The following RPS14 variants were observed in gnomAD, a reference collection of about 807,000 sequenced individuals.
The protein encoded by RPS14 is ribosomal protein S14.
Under a neutral mutation model 15.4 loss-of-function variants are expected in RPS14, and 1 was observed. The observed-to-expected ratio is 0.07, with a 90% CI of 0.02 to 0.31. The LOEUF (loss-of-function observed/expected upper bound fraction) is 0.31. Among genes scored for constraint, RPS14 ranks in the 10% least tolerant of loss-of-function variants. The pLI is 1.00. For missense variants in RPS14, 69 were observed against 205.5 expected (o/e 0.34, Z 4.06); for synonymous variants, 68 against 74.4 (o/e 0.91, Z 0.44).
In RPS14 at chr5:150,444,628, G is replaced by A. The variant is rs138894671; in HGVS notation, c.389-275C>T. The A allele has an allele frequency of 1.1e-4, 70 of 636,408 alleles. No individual in the cohort carries two copies. The African/African-American group carries it at 1.1e-3, about 10-fold the overall frequency. 39.4% of individuals were successfully genotyped at this position (636,408 alleles called of 1,614,324 possible). On this transcript the variant is annotated intron_variant, in intron 4 of 4. Transcript: ENST00000407193. ...GGACAAATCCAGGTTCTGACATCTAGCCCACCGTCTTCTCTAGAGGAAAAA... is the reference window on the plus strand; with the variant it reads ...GGACAAATCCAGGTTCTGACATCTAACCCACCGTCTTCTCTAGAGGAAAAA...
rs544579101 is a variant in RPS14 at position 150,446,685 on chromosome 5, T to G, written c.311+117A>C. On this transcript the variant is annotated intron_variant, in intron 3 of 4. Transcript: ENST00000407193. The surrounding 1 kb of genome is among the most constrained non-coding windows in gnomAD (Gnocchi z 4.2). The stretch of plus-strand genomic sequence containing the variant: ...AGGAGCCAATTATTAAGTATGTATA[T>G]GCCTAAAATATCTTGTTCAAGGTCA... 1.1e-4 allele frequency: 128 copies of G among 1,116,556 alleles called. No individual in the cohort carries two copies. In the East Asian group the frequency reaches 3.0e-3, roughly 26 times the overall value. The allele number at this position is 1,116,556 out of a possible 1,614,324, so 69.2% of individuals were successfully genotyped here.
chr5:150,447,617 G>A lies in RPS14; in HGVS notation c.117C>T (p.Asp39=), dbSNP rs1581277976. The A allele has an allele frequency of 3.1e-6, 5 of 1,613,722 alleles. No homozygotes were observed. Among genetic ancestry groups the A allele is most frequent in the African/African-American group, 2.7e-5 (2 of 75,030 alleles). ...AAAGATCAGTGACATGGACAAAAGTGTCATTGAAGGATGCAAAGATATGGC... is the reference window on the plus strand; with the variant it reads ...AAAGATCAGTGACATGGACAAAAGTATCATTGAAGGATGCAAAGATATGGC... ...GVCHIFASFN[D]TFVHVTDLSG... Residue 39 remains aspartate (D), a synonymous_variant, in exon 2 of 5, where the codon GAC becomes GAT. Coordinates refer to ENST00000407193, the MANE Select transcript of RPS14 (RefSeq NM_005617.4).
chr5:150,447,028 G>T, intron 2 of RPS14, 65 bp from the exon 3 acceptor site: 1 of 1,570,044 alleles, frequency 6.4e-7, no homozygotes, highest in South Asian at 1.2e-5. Context: ...ATATCCTAAT[G>T]AGTGAAGAGC....
chr5:150,446,651 G>A lies in RPS14; in HGVS notation c.311+151C>T. 5 of 737,218 alleles carry A rather than the reference G, an allele frequency of 6.8e-6. No homozygotes were observed. Among genetic ancestry groups the A allele is most frequent in the Non-Finnish European group, 1.1e-5 (5 of 446,618 alleles). The allele number at this position is 737,218 out of a possible 1,614,324, so 45.7% of individuals were successfully genotyped here. On this transcript the variant is annotated intron_variant, in intron 3 of 4. Coordinates refer to ENST00000407193, the MANE Select transcript of RPS14 (RefSeq NM_005617.4). This position sits in a 1 kb window ranked among gnomAD's most constrained non-coding sequence, Gnocchi z 4.2. The stretch of plus-strand genomic sequence containing the variant: ...GGTGCTCAACACTGAGCTGCTGGGG[G>A]GTGTACACAGGAGCCAATTATTAAG...
In RPS14 at chr5:150,444,178, G is replaced by A; in HGVS notation, c.*108C>T. ...CTTTCTCCCAAGAAGCCAAATAGGA[G>A]GAAGAAATCAAATGCCTGAGTAGCC... On this transcript the variant is annotated 3_prime_UTR_variant, in exon 5 of 5. Coordinates refer to ENST00000407193, the MANE Select transcript of RPS14 (RefSeq NM_005617.4). The A allele has an allele frequency of 1.4e-6, 2 of 1,474,432 alleles. No homozygotes were observed. The highest frequency in any genetic ancestry group is 2.7e-5 in the South Asian group (2 of 73,896). The allele number at this position is 1,474,432 out of a possible 1,614,324, so 91.3% of individuals were successfully genotyped here. A position where few individuals can be genotyped will look rare whatever the true frequency, so the allele number is the denominator to read the frequency against.
intron 4 of RPS14, among the ~76,000 whole-genome samples, chr5:150,444,955 G>A (rs1160852584): frequency 2.0e-5 from 3 of 152,092 alleles, no homozygotes; most frequent in Non-Finnish European, 4.4e-5. Flanking sequence ...CCCACGAGGC[G>A]AAATTTACAG....
At chr5:150,448,071 C>G (rs755663890) in intron 1 of RPS14, 91 of 234,596 alleles carry the variant, frequency 3.9e-4, no homozygotes, top group Admixed American at 6.0e-4. Context: ...AAACCCAAGA[C>G]CAACAGCTAC....
chr5:150,443,258 C>A lies in RPS14; in HGVS notation c.*1028G>T, dbSNP rs948851681. The A allele has an allele frequency of 6.6e-6, 1 of 151,804 alleles. No individual in the cohort carries two copies. 9.4% of individuals were successfully genotyped at this position (151,804 alleles called of 1,614,324 possible). On this transcript the variant is annotated 3_prime_UTR_variant, in exon 5 of 5. Coordinates refer to ENST00000407193, the MANE Select transcript of RPS14 (RefSeq NM_005617.4). ...CATGTGCCATGTTGGTGTGCTGCAC[C>A]CATTAACTCGTCATTTAGCATTAGG...
chr5:150,445,830 C>A, intron 3 of RPS14, 145 bp from the exon 4 acceptor site: 1 of 690,406 alleles, frequency 1.4e-6, no homozygotes. Context: ...TGGTTCACAC[C>A]CATAATCTCA....
intron 1 of RPS14, chr5:150,448,047 CA>C: frequency 3.7e-6 from 1 of 272,128 alleles, no homozygotes; most frequent in Non-Finnish European, 7.1e-6. Context: ...GGCTGCACCC[CA>C]AAAGGCAAGA....
In RPS14 at chr5:150,446,280, C is replaced by CG. The variant is rs1771094527; in HGVS notation, c.311+521_311+522insC. ...CAGGACTCCACCTCTTCCCCTCTGA[C>CG]TGCACCTCATGCCACTCTTTCCTTC... On this transcript the variant is annotated intron_variant, in intron 3 of 4. Transcript: ENST00000407193. The surrounding 1 kb of genome is among the most constrained non-coding windows in gnomAD (Gnocchi z 4.2). Among the ~76,000 whole-genome samples, 12 of 152,160 alleles carry CG rather than the reference C, an allele frequency of 7.9e-5. No individual in the cohort carries two copies. The highest frequency in any genetic ancestry group is 1.6e-4 in the Non-Finnish European group (11 of 67,984).
chr5:150,445,385 G>A lies in RPS14; in HGVS notation c.388+224C>T, dbSNP rs1046503113. On this transcript the variant is annotated intron_variant, in intron 4 of 4. Transcript: ENST00000407193. ...GTCAGTTTTACCTGCACCAGGCAGT[G>A]TAGGACAGAGATTCACAAATGAAAC... 60 of 691,490 alleles carry A rather than the reference G, an allele frequency of 8.7e-5. No individual in the cohort carries two copies. In the African/African-American group the frequency reaches 9.4e-4, roughly 11 times the overall value. 42.8% of individuals were successfully genotyped at this position (691,490 alleles called of 1,614,324 possible).
chr5:150,446,956 T>C lies in RPS14; in HGVS notation c.157A>G (p.Ile53Val). ...HVTDLSGKET[I>V]CRVTGGMKVK... ...TTCATCCCACCAGTCACACGGCAGATGGTTTCCCTGGGGACAAAAGCACAG... is the reference window on the plus strand; with the variant it reads ...TTCATCCCACCAGTCACACGGCAGACGGTTTCCCTGGGGACAAAAGCACAG... Residue 53 changes from isoleucine to valine, a missense_variant, in exon 3 of 5, where the codon ATC becomes GTC. Ile to Val is a conservative substitution (Grantham distance 29). Coordinates refer to ENST00000407193, the MANE Select transcript of RPS14 (RefSeq NM_005617.4). This position sits in a 1 kb window ranked among gnomAD's most constrained non-coding sequence, Gnocchi z 4.2. The C allele has an allele frequency of 6.2e-7, 1 of 1,614,148 alleles. No homozygotes were observed. The highest frequency in any genetic ancestry group is 2.2e-5 in the East Asian group (1 of 44,886).
chr5:150,447,083 C>A, intron 2 of RPS14, 120 bp from the exon 3 acceptor site: 1 of 1,205,476 alleles, frequency 8.3e-7, no homozygotes, highest in Non-Finnish European at 1.2e-6. Flanking sequence ...TGGGCTCTGC[C>A]CTCATGGAGT....
chr5:150,443,173 T>TA lies in RPS14; in HGVS notation c.*1112dup, dbSNP rs976625177. 8.0e-6 allele frequency: 1 copy of TA among 125,382 alleles called. No individual in the cohort carries two copies. Among genetic ancestry groups the TA allele is most frequent in the African/African-American group, 2.6e-5 (1 of 38,180 alleles). The allele number at this position is 125,382 out of a possible 1,614,324, so 7.8% of individuals were successfully genotyped here. On this transcript the variant is annotated 3_prime_UTR_variant, in exon 5 of 5. Transcript: ENST00000407193. The stretch of plus-strand genomic sequence containing the variant: ...ATTTTTTTTGCAAGCTTTTTTTTTT[T>TA]ATTATACTTTAAGTTTTAGGGTACA...
At chr5:150,447,153 T>C in intron 2 of RPS14, 190 bp from the exon 3 acceptor site, 2 of 605,716 alleles carry the variant, frequency 3.3e-6, no homozygotes, top group Non-Finnish European at 2.9e-6. Flanking sequence ...ATTTTATATA[T>C]CTACTTTTGC....
Position 150,446,710 on chromosome 5 carries a change from A to G in RPS14, c.311+92T>C. ...TGCCTAAAATATCTTGTTCAAGGTCACAACAAAAAACCCAAACCTCAAATC... is the reference window on the plus strand; with the variant it reads ...TGCCTAAAATATCTTGTTCAAGGTCGCAACAAAAAACCCAAACCTCAAATC... On this transcript the variant is annotated intron_variant, in intron 3 of 4. Coordinates refer to ENST00000407193, the MANE Select transcript of RPS14 (RefSeq NM_005617.4). This position sits in a 1 kb window ranked among gnomAD's most constrained non-coding sequence, Gnocchi z 4.2. 1 of 1,401,416 alleles carries G rather than the reference A, an allele frequency of 7.1e-7. No individual in the cohort carries two copies. Among genetic ancestry groups the G allele is most frequent in the Non-Finnish European group, 9.8e-7 (1 of 1,015,956 alleles). 86.8% of individuals were successfully genotyped at this position (1,401,416 alleles called of 1,614,324 possible). A position where few individuals can be genotyped will look rare whatever the true frequency, so the allele number is the denominator to read the frequency against.
chr5:150,447,349 T>C, intron 2 of RPS14: 1 of 573,106 alleles, frequency 1.7e-6, no homozygotes, highest in Non-Finnish European at 3.1e-6. Context: ...GGAAAGAAGA[T>C]AATTCCCAAG....
chr5:150,447,689 G>A lies in RPS14; in HGVS notation c.45C>T (p.Ile15=), dbSNP rs376923126. 7.4e-6 allele frequency: 12 copies of A among 1,614,094 alleles called. No homozygotes were observed. The highest frequency in any genetic ancestry group is 1.0e-5 in the Non-Finnish European group (12 of 1,180,034). The stretch of plus-strand genomic sequence containing the variant: ...CTTCAGCCACCTGAGGTCCGAGGCT[G>A]ATGACCTGTTCTTCCTTCTTTTCCT... ...KGKEKKEEQV[I]SLGPQVAEGE... The change falls in exon 2 of 5, where the codon ATC becomes ATT. Residue 15 remains isoleucine, a synonymous_variant. Transcript: ENST00000407193.
Sources: allele counts gnomAD v4.1 joint callset (sites outside exome capture counted in the v4.1 genomes callset), GRCh38; gene constraint gnomAD v4.1.1; non-coding constraint Gnocchi (gnomAD v3.1); transcripts MANE v1.5; gene names NCBI Gene and HGNC (gene_info 2026-07-23, HGNC 2026-07-21).